Variants in TMPRSS15 observed in about 807,000 individuals in gnomAD.
TMPRSS15 encodes the protein transmembrane serine protease 15.
A neutral mutation model predicts 125.3 loss-of-function variants in TMPRSS15; 128 were observed. The observed-to-expected ratio is 1.02, with a 90% CI of 0.89 to 1.18. The LOEUF (loss-of-function observed/expected upper bound fraction) is 1.18. TMPRSS15 is among the 50% of genes most tolerant of loss of function. TMPRSS15 has a pLI of 0.00. For synonymous variants in TMPRSS15, 446 were observed against 423.2 expected, an observed-to-expected ratio of 1.05 and a Z score of -0.66; for missense variants, 1,283 against 1,212.7, an observed-to-expected ratio of 1.06 and a Z score of -0.86.
intron 1 of TMPRSS15, among the ~76,000 whole-genome samples, chr21:18,466,382 C>A (rs1978660796): frequency 6.6e-6 from 1 of 151,842 alleles, no homozygotes; most frequent in South Asian, 2.1e-4. Flanking sequence ...ACACCAAAAG[C>A]AATGGAAACA....
intron 23 of TMPRSS15, 27 bp downstream of exon 23, chr21:18,278,937 T>TG (rs1601255948): frequency 1.1e-6 from 1 of 930,194 alleles, no homozygotes; most frequent in Non-Finnish European, 1.6e-6. Context: ...TTTTTTTTTT[T>TG]TTTTTTTTTT....
chr21:18,366,827 G>A (rs2075742454), intron 6 of TMPRSS15, among the ~76,000 whole-genome samples: 2 of 151,992 alleles, frequency 1.3e-5, no homozygotes, highest in Non-Finnish European at 2.9e-5. Flanking sequence ...TGGAATCTGA[G>A]TGTTTAGAAT....
In TMPRSS15 at chr21:18,449,877, GCACA is replaced by G. The variant is rs3082204; in HGVS notation, c.10+35918_10+35921del. Among the ~76,000 whole-genome samples the G allele has an allele frequency of 1.3e-3, 189 of 147,258 alleles. 3 individuals carry two copies. The highest frequency in any genetic ancestry group is 5.0e-3 in the East Asian group (25 of 5,020). ...CCCTCAAACACACACACACACACAC[GCACA>G]CACACACACACACACACACCTATAT... On this transcript the variant is annotated intron_variant, in intron 1 of 7. Coordinates refer to the TMPRSS15 transcript ENST00000422787.
chr21:18,332,790 A>G (rs948181997), intron 13 of TMPRSS15, among the ~76,000 whole-genome samples: 1 of 152,248 alleles, frequency 6.6e-6, no homozygotes, highest in Non-Finnish European at 1.5e-5. Flanking sequence ...AGACACATGC[A>G]CACGTTTTTT....
intron 3 of TMPRSS15, among the ~76,000 whole-genome samples, chr21:18,395,057 A>G (rs905024810): frequency 6.6e-6 from 1 of 152,208 alleles, no homozygotes; most frequent in Non-Finnish European, 1.5e-5. Context: ...GAACACTTTA[A>G]CCTACACAAC....
chr21:18,298,355 A>C (rs904627973), intron 18 of TMPRSS15, among the ~76,000 whole-genome samples: 4 of 152,202 alleles, frequency 2.6e-5, no homozygotes, highest in African/African-American at 9.6e-5. Flanking sequence ...ATTTCATTCA[A>C]TTCAAAGGCT....
chr21:18,313,009 TA>T lies in TMPRSS15; in HGVS notation c.2100del (p.His700GlnfsTer22). 2 of 1,614,098 alleles carry T rather than the reference TA, an allele frequency of 1.2e-6. No homozygotes were observed. Among genetic ancestry groups the T allele is most frequent in the Non-Finnish European group, 1.7e-6 (2 of 1,179,970 alleles). ...GTGGTCCAGTTCTCAGCACAAGCTG[TA>T]TGCCATATGCTCTGGATTCTGAACC... ...LVRFRIQSIW[H>X]TACAENWTTQ... is the part of the protein sequence containing the mutation. On this transcript the variant is annotated frameshift_variant, in exon 18 of 25. Transcript: ENST00000284885. LOFTEE classifies it high-confidence loss of function.
chr21:18,380,931 C>T (rs1247882286), intron 4 of TMPRSS15, among the ~76,000 whole-genome samples: 1 of 152,132 alleles, frequency 6.6e-6, no homozygotes, highest in African/African-American at 2.4e-5. Flanking sequence ...CCTAGAACCA[C>T]TTGTTTTACA....
chr21:18,360,002 A>G (rs1455661343), intron 7 of TMPRSS15, 139 bp from the exon 8 acceptor site: 2 of 545,288 alleles, frequency 3.7e-6, no homozygotes, highest in Non-Finnish European at 6.7e-6. Context: ...TTAAGTGTAC[A>G]GTGCAGTATT....
At chr21:18,393,982 C>T (rs1056631814) in intron 3 of TMPRSS15, among the ~76,000 whole-genome samples, 2 of 152,022 alleles carry the variant, frequency 1.3e-5, no homozygotes, top group African/African-American at 4.8e-5. Flanking sequence ...CTAAGTAAGC[C>T]CTATATGTGT....
chr21:18,394,589 C>A (rs1425194222), intron 3 of TMPRSS15, among the ~76,000 whole-genome samples: 1 of 151,984 alleles, frequency 6.6e-6, no homozygotes, highest in Admixed American at 6.6e-5. Flanking sequence ...CACAAACACA[C>A]ACTTACTTTT....
At chr21:18,408,946 A>T (rs2123163537) in intron 1 of TMPRSS15, among the ~76,000 whole-genome samples, 1 of 152,228 alleles carries the variant, frequency 6.6e-6, no homozygotes, top group East Asian at 1.9e-4. Context: ...GTAACGATCA[A>T]TTCAATTTTA....
chr21:18,361,248 T>C (rs1163719347), intron 7 of TMPRSS15, among the ~76,000 whole-genome samples: 2 of 152,146 alleles, frequency 1.3e-5, no homozygotes, highest in African/African-American at 4.8e-5. Flanking sequence ...TAAAGTGTTA[T>C]AATCAGAAAT....
At chr21:18,450,426 G>A (rs1466089319) in intron 1 of TMPRSS15, among the ~76,000 whole-genome samples, 1 of 152,066 alleles carries the variant, frequency 6.6e-6, no homozygotes, top group African/African-American at 2.4e-5. Flanking sequence ...GAACCTCAAT[G>A]CATTTGTTTC....
chr21:18,474,754 CTA>C (rs1978846079), intron 1 of TMPRSS15, among the ~76,000 whole-genome samples: 1 of 152,142 alleles, frequency 6.6e-6, no homozygotes, highest in Non-Finnish European at 1.5e-5. Flanking sequence ...CTCTTAAGAT[CTA>C]TGTTTCTCCC....
chr21:18,485,337 C>A (rs1979058823), intron 1 of TMPRSS15, among the ~76,000 whole-genome samples: 1 of 151,790 alleles, frequency 6.6e-6, no homozygotes, highest in Non-Finnish European at 1.5e-5. Flanking sequence ...TTAGCTAAGA[C>A]CCTCAGTTCA....
chr21:18,464,996 A>T (rs1321702541), intron 1 of TMPRSS15, among the ~76,000 whole-genome samples: 1 of 152,210 alleles, frequency 6.6e-6, no homozygotes, highest in East Asian at 1.9e-4. Flanking sequence ...ATGAACATCG[A>T]TGTGAAAATC....
chr21:18,448,471 C>G (rs1305534525), intron 1 of TMPRSS15, among the ~76,000 whole-genome samples: 1 of 152,082 alleles, frequency 6.6e-6, no homozygotes, highest in Admixed American at 6.5e-5. Flanking sequence ...TAAGATATTC[C>G]TCATGGGGCT....
chr21:18,480,733 T>A (rs1978966802), intron 1 of TMPRSS15, among the ~76,000 whole-genome samples: 2 of 151,774 alleles, frequency 1.3e-5, no homozygotes. Context: ...AAAAAAAATC[T>A]ATGTGACTCA....
Sources: allele counts gnomAD v4.1 joint callset (sites outside exome capture counted in the v4.1 genomes callset), GRCh38; gene constraint gnomAD v4.1.1; transcripts MANE v1.5; gene names NCBI Gene and HGNC (gene_info 2026-07-23, HGNC 2026-07-21).